The following CCDC88A variants were observed in gnomAD, a reference collection of about 807,000 sequenced individuals.
CCDC88A encodes the protein coiled-coil and HOOK domain protein 88A.
In CCDC88A, 54 loss-of-function variants were observed where a neutral mutation model predicts 234.3. The observed-to-expected ratio is 0.23, with a 90% confidence interval of 0.19 to 0.29. CCDC88A has a LOEUF of 0.29. Among genes scored for constraint, CCDC88A ranks in the 10% least tolerant of loss-of-function variants. CCDC88A has a pLI of 1.00. For synonymous variants in CCDC88A, 753 were observed against 737.8 expected (o/e 1.02, Z -0.33); for missense variants, 1,832 against 2,123.4 (o/e 0.86, Z 2.70).
chr2:55,364,146 G>C, intron 5 of CCDC88A, 113 bp from the exon 6 acceptor site: 1 of 503,438 alleles, frequency 2.0e-6, no homozygotes, highest in Non-Finnish European at 3.5e-6. Flanking sequence ...TATAGTAAGA[G>C]TTTTGTTTTG....
chr2:55,382,709 T>C (rs1336535685), intron 3 of CCDC88A, among the ~76,000 whole-genome samples: 1 of 152,190 alleles, frequency 6.6e-6, no homozygotes, highest in Non-Finnish European at 1.5e-5. Context: ...AAAAAGGTGT[T>C]TGCTACGGAT....
rs1574100649 is a variant in CCDC88A, at chr2:55,322,623, T to C, written c.3067A>G (p.Ile1023Val). ...TCCCATTTGTTGTCTTCACCAGATA[T>C]TGGAGGAGAGCTCTGTACCATCCTT... ...EERMVQSSPP[I>V]SGEDNKWERE... The change falls in exon 18 of 33, where the codon ATA becomes GTA. Residue 1023 changes from isoleucine (I) to valine (V), a missense_variant. By Grantham distance (29) the Ile-to-Val change is conservative. Coordinates refer to ENST00000436346, the MANE Select transcript of CCDC88A (RefSeq NM_001365480.1). 5.6e-6 allele frequency: 9 copies of C among 1,605,762 alleles called. No individual in the cohort carries two copies. The highest frequency in any genetic ancestry group is 3.3e-4 in the Middle Eastern group (2 of 6,044).
chr2:55,321,276 G>T (rs1441348992), intron 18 of CCDC88A: 1 of 152,182 alleles, frequency 6.6e-6, no homozygotes, highest in African/African-American at 2.4e-5. Flanking sequence ...AAATGGGTGG[G>T]GCGCGGTGGC....
rs149100701 is a variant in CCDC88A, at chr2:55,401,482, GTA to G, written c.165-12598_165-12597del. ...TATATATATACATATGTGTGTGTAT[GTA>G]TGTGTGTGTGTATACATATATATAT... On this transcript the variant is annotated intron_variant, in intron 2 of 32. Transcript: ENST00000436346. Among the ~76,000 whole-genome samples the G allele has an allele frequency of 8.4e-4, 17 of 20,224 alleles. 4 individuals carry two copies. Among genetic ancestry groups the G allele is most frequent in the Admixed American group, 2.2e-3 (2 of 900 alleles). 13.3% of individuals were successfully genotyped at this position (20,224 alleles called of 152,430 possible).
chr2:55,375,665 C>A (rs1326576586), intron 3 of CCDC88A, among the ~76,000 whole-genome samples: 1 of 151,192 alleles, frequency 6.6e-6, no homozygotes, highest in Non-Finnish European at 1.5e-5. Context: ...GTAACTGGGA[C>A]TAGAGGCGCC....
chr2:55,412,565 A>G (rs536744564), intron 2 of CCDC88A, among the ~76,000 whole-genome samples: 1 of 152,190 alleles, frequency 6.6e-6, no homozygotes, highest in Non-Finnish European at 1.5e-5. Flanking sequence ...CACTCTCCTC[A>G]TAAGAATCTA....
At chr2:55,367,693 T>C (rs1672225354) in intron 5 of CCDC88A, among the ~76,000 whole-genome samples, 2 of 151,756 alleles carry the variant, frequency 1.3e-5, no homozygotes, top group Admixed American at 6.6e-5. Flanking sequence ...AAACTTGTTT[T>C]ATTTCTAAAA....
At chr2:55,395,265 A>G (rs1677337916) in intron 2 of CCDC88A, among the ~76,000 whole-genome samples, 1 of 152,228 alleles carries the variant, frequency 6.6e-6, no homozygotes, top group African/African-American at 2.4e-5. Context: ...GGCACAAGCC[A>G]CAGCACACCT....
chr2:55,313,946 C>T (rs1682652265), intron 22 of CCDC88A: 1 of 152,158 alleles, frequency 6.6e-6, no homozygotes, highest in Non-Finnish European at 1.5e-5. Flanking sequence ...TTCCCTGTAC[C>T]TATGCCCTCT....
intron 2 of CCDC88A, chr2:55,403,787 T>C (rs1162248829): frequency 6.6e-6 from 1 of 152,250 alleles, no homozygotes; most frequent in Non-Finnish European, 1.5e-5. Context: ...CTTACATGGT[T>C]GCCAACCTCA....
At position 55,308,838 on chromosome 2, in the gene CCDC88A, C is replaced by G; in HGVS notation, c.4358G>C (p.Gly1453Ala). ...SSVGSNSLEDGQTLGTKKSSM... is the reference protein window; with the variant it reads ...SSVGSNSLEDAQTLGTKKSSM... The stretch of plus-strand genomic sequence containing the variant: ...GCTTTTCTTGGTCCCCAAGGTCTGG[C>G]CATCTTCTAAAGAGTTTGAACCTAC... Residue 1453 changes from glycine to alanine, a missense_variant, in exon 25 of 33, where the codon GGC (glycine) becomes GCC (alanine). This residue lies in a region of CCDC88A where 1,282 missense variants were observed against 1,543.6 expected (regional missense o/e 0.83). Transcript: ENST00000436346. 1.9e-6 allele frequency: 3 copies of G among 1,614,088 alleles called. No homozygotes were observed. The highest frequency in any genetic ancestry group is 1.1e-5 in the South Asian group (1 of 91,076).
chr2:55,318,079 G>A (rs1021964759), intron 19 of CCDC88A, among the ~76,000 whole-genome samples: 48 of 152,058 alleles, frequency 3.2e-4, no homozygotes, highest in African/African-American at 1.0e-3. Flanking sequence ...TATATGTATT[G>A]TATGTTTTGG....
Position 55,288,752 on chromosome 2 carries a change from G to C in CCDC88A, c.*2448C>G, listed in dbSNP as rs545007337. ...TTCTTCAGTTTCCTTGAGGGGTTAG[G>C]TGTTGATTTAGAATACAGCCAGATA... is the stretch of plus-strand genomic sequence containing the variant. On this transcript the variant is annotated 3_prime_UTR_variant, in exon 33 of 33. Coordinates refer to ENST00000436346, the MANE Select transcript of CCDC88A (RefSeq NM_001365480.1). The C allele has an allele frequency of 1.3e-5, 2 of 152,334 alleles. No individual in the cohort carries two copies. Among genetic ancestry groups the C allele is most frequent in the Admixed American group, 6.5e-5 (1 of 15,296 alleles). 9.4% of individuals were successfully genotyped at this position (152,334 alleles called of 1,614,324 possible). A position where few individuals can be genotyped will look rare whatever the true frequency, so the allele number is the denominator to read the frequency against.
At chr2:55,295,086 C>G in intron 31 of CCDC88A, 1 of 1,301,492 alleles carries the variant, frequency 7.7e-7, no homozygotes, top group South Asian at 1.2e-5. Context: ...ATATTCATAC[C>G]AAACAGTTTG....
At chr2:55,299,771 C>T (rs1350608402) in intron 29 of CCDC88A, 68 bp downstream of exon 29, 8 of 1,024,218 alleles carry the variant, frequency 7.8e-6, no homozygotes, top group South Asian at 7.0e-5. Context: ...CCAGAAACTT[C>T]ATCCCATCTC....
chr2:55,378,875 C>T lies in CCDC88A; in HGVS notation c.274-3992G>A, dbSNP rs1413150168. Among the ~76,000 whole-genome samples the T allele has an allele frequency of 6.6e-5, 10 of 151,804 alleles. 1 individual carries two copies. Among genetic ancestry groups the T allele is most frequent in the East Asian group, 5.8e-4 (3 of 5,166 alleles). Reference sequence around the variant, plus strand: ...ATCCTCCTGCCTCAGCCTCCCAAATCGCTGGAATTACAGGTGCCCGCCACC... The same window carrying T: ...ATCCTCCTGCCTCAGCCTCCCAAATTGCTGGAATTACAGGTGCCCGCCACC... On this transcript the variant is annotated intron_variant, in intron 3 of 32. Transcript: ENST00000436346.
chr2:55,353,672 C>A (rs1415345730), intron 8 of CCDC88A, among the ~76,000 whole-genome samples: 1 of 144,928 alleles, frequency 6.9e-6, no homozygotes, highest in African/African-American at 2.5e-5. Flanking sequence ...AAAAAAAAGC[C>A]CCCACAACAA....
At chr2:55,383,979 C>T (rs762646255) in intron 3 of CCDC88A, among the ~76,000 whole-genome samples, 1 of 151,822 alleles carries the variant, frequency 6.6e-6, no homozygotes. Flanking sequence ...ACTACAGTGA[C>T]CTATGAGCTA....
chr2:55,358,661 T>A (rs1387154550), intron 7 of CCDC88A, among the ~76,000 whole-genome samples: 1 of 152,106 alleles, frequency 6.6e-6, no homozygotes, highest in Non-Finnish European at 1.5e-5. Context: ...ACTCCTTTAT[T>A]CTTATGCATT....
Sources: allele counts gnomAD v4.1 joint callset (sites outside exome capture counted in the v4.1 genomes callset), GRCh38; gene constraint gnomAD v4.1.1; regional missense constraint gnomAD v4.1.1; transcripts MANE v1.5; gene names NCBI Gene and HGNC (gene_info 2026-07-23, HGNC 2026-07-21).